GRAP2: variants seen among roughly 807,000 people sequenced by gnomAD.
GRAP2 encodes the protein GRB2 related adaptor protein 2, also known as GRB2-related adapter protein 2.
In GRAP2, 31 loss-of-function variants were observed where a neutral mutation model predicts 43.5. The ratio of observed to expected loss-of-function variants is 0.71; its 90% CI spans 0.54 to 0.96. GRAP2 has a LOEUF of 0.96. GRAP2 is among the 40% of genes least tolerant of loss of function. The probability of loss-of-function intolerance (pLI) is 0.00; values close to 1 mark genes in which losing one functional copy is unlikely to be tolerated. For missense variants in GRAP2, 371 were observed against 424.4 expected (o/e 0.87, Z 1.11); for synonymous variants, 156 against 164.8 (o/e 0.95, Z 0.41).
chr22:39,920,107 C>G (rs998818449), intron 1 of GRAP2, among the ~76,000 whole-genome samples: 1 of 152,184 alleles, frequency 6.6e-6, no homozygotes, highest in Non-Finnish European at 1.5e-5. Context: ...TCCCCTTGCC[C>G]TAAGATAGTA....
rs1324058465 is a variant in GRAP2 at position 39,966,080 on chromosome 22, G to T, written c.381G>T (p.Lys127Asn). The T allele has an allele frequency of 2.5e-6, 4 of 1,613,762 alleles. No homozygotes were observed. The highest frequency in any genetic ancestry group is 3.4e-6 in the Non-Finnish European group (4 of 1,179,626). Residue 127 changes from lysine to asparagine, a missense_variant, in exon 5 of 8, where the codon AAG becomes AAT. By Grantham distance (94) the Lys-to-Asn change is moderately conservative. Transcript: ENST00000344138. ...LWTEKFPSLN[K>N]LVDYYRTNSI... ...CTGAGAAGTTTCCATCCCTAAATAA[G>T]CTGGTAGACTACTACAGGACAAATT...
At chr22:39,970,846 C>G (rs2067233551) in intron 7 of GRAP2, 59 bp from the exon 8 acceptor site, 1 of 1,419,604 alleles carries the variant, frequency 7.0e-7, no homozygotes. Flanking sequence ...GCCAGCAGAC[C>G]CTCCCCTGCC....
the GRAP2 span, among the ~76,000 whole-genome samples, chr22:39,894,572 G>A: frequency 4.6e-5 from 7 of 152,204 alleles, no homozygotes; most frequent in Non-Finnish European, 8.8e-5. Flanking sequence ...ACCAGCACGT[G>A]ATTGCCACCT....
At chr22:39,913,285 AAT>A (rs1279954620) in intron 1 of GRAP2, among the ~76,000 whole-genome samples, 2 of 152,024 alleles carry the variant, frequency 1.3e-5, no homozygotes, top group Non-Finnish European at 2.9e-5. Context: ...GTGTGGGAGA[AAT>A]AGAGAGAGAG....
At chr22:39,936,795 A>G (rs1478130663) in intron 1 of GRAP2, among the ~76,000 whole-genome samples, 2 of 152,184 alleles carry the variant, frequency 1.3e-5, no homozygotes, top group African/African-American at 4.8e-5. Context: ...CATTTCTGCA[A>G]TTGCCTTAAA....
chr22:39,929,385 A>G (rs752946387), intron 1 of GRAP2, among the ~76,000 whole-genome samples: 6 of 152,158 alleles, frequency 3.9e-5, no homozygotes, highest in Admixed American at 6.5e-5. Context: ...GCCTCTTTGT[A>G]TAGATTTTGT....
At chr22:39,895,288 A>G in the GRAP2 span, among the ~76,000 whole-genome samples, 3 of 152,234 alleles carry the variant, frequency 2.0e-5, no homozygotes, top group African/African-American at 7.2e-5. Context: ...ATCTCCTACT[A>G]CTTCAGTCAT....
intron 2 of GRAP2, among the ~76,000 whole-genome samples, chr22:39,951,595 A>G (rs2145645002): frequency 6.6e-6 from 1 of 152,312 alleles, no homozygotes; most frequent in East Asian, 1.9e-4. Context: ...CTTAGGGAAC[A>G]TTATAAGAAT....
In GRAP2 at chr22:39,968,336, C is replaced by T. The variant is rs1367580363; in HGVS notation, c.690+64C>T. 15 of 1,564,488 alleles carry T rather than the reference C, an allele frequency of 9.6e-6. No individual in the cohort carries two copies. In the African/African-American group the frequency reaches 1.2e-4, roughly 13 times the overall value. Reference sequence around the variant, plus strand: ...AGGAGAACCTGCCTCCCCTCCAGGCCTGGCCCAGCCTCTTGAGTTCTCAGA... The same window carrying T: ...AGGAGAACCTGCCTCCCCTCCAGGCTTGGCCCAGCCTCTTGAGTTCTCAGA... On this transcript the variant is annotated intron_variant, in intron 6 of 7. Coordinates refer to ENST00000344138, the MANE Select transcript of GRAP2 (RefSeq NM_004810.4).
chr22:39,933,797 C>T (rs550016642), intron 1 of GRAP2, among the ~76,000 whole-genome samples: 1 of 151,092 alleles, frequency 6.6e-6, no homozygotes, highest in South Asian at 2.1e-4. Context: ...GCCAAGATTG[C>T]GCCACTGCAC....
At chr22:39,948,074 C>T (rs1194312113) in intron 2 of GRAP2, 1 of 134,654 alleles carries the variant, frequency 7.4e-6, no homozygotes, top group Admixed American at 7.4e-5. Flanking sequence ...ACACTGAGGC[C>T]ATTAGTGTCT....
At position 39,958,850 on chromosome 22, in the gene GRAP2, G is replaced by T. The variant is rs551858929; in HGVS notation, c.171-1205G>T. 2.0e-5 allele frequency among the ~76,000 whole-genome samples: 3 copies of T among 152,268 alleles called. No individual in the cohort carries two copies. The East Asian group carries it at 5.8e-4, about 29-fold the overall frequency. ...GTAGAATTGTGTGGCAAATACTCAG[G>T]CAGAATCTCCAGGCCACCAGAAACT... On this transcript the variant is annotated intron_variant, in intron 3 of 7. Transcript: ENST00000344138.
In GRAP2 at chr22:39,914,310, A is replaced by G. The variant is rs74383658; in HGVS notation, c.-15+12980A>G. ...TAGTTGGAGCACTAGTCCTTAGGCT[A>G]AATTCCACCAAAACATTTTGGTTGT... On this transcript the variant is annotated intron_variant, in intron 1 of 7. Coordinates refer to ENST00000344138, the MANE Select transcript of GRAP2 (RefSeq NM_004810.4). 6.4e-3 allele frequency among the ~76,000 whole-genome samples: 971 copies of G among 152,254 alleles called. 26 individuals carry two copies. In the East Asian group the frequency reaches 0.08, roughly 13 times the overall value.
upstream of GRAP2, among the ~76,000 whole-genome samples, chr22:39,899,403 A>G (rs990618033): frequency 6.6e-6 from 1 of 152,168 alleles, no homozygotes; most frequent in African/African-American, 2.4e-5. Flanking sequence ...AACCATTTCA[A>G]AACCATCGAC....
At chr22:39,964,911 TATC>T (rs1324375683) in intron 4 of GRAP2, among the ~76,000 whole-genome samples, 1 of 152,096 alleles carries the variant, frequency 6.6e-6, no homozygotes, top group African/African-American at 2.4e-5. Context: ...AAAAAGAAGT[TATC>T]ATGTTTAGGT....
intron 1 of GRAP2, among the ~76,000 whole-genome samples, chr22:39,916,688 A>G (rs1601694036): frequency 6.6e-6 from 1 of 152,332 alleles, no homozygotes; most frequent in Non-Finnish European, 1.5e-5. Flanking sequence ...TGTGTTTCAC[A>G]CAATGCCAGG....
intron 1 of GRAP2, among the ~76,000 whole-genome samples, chr22:39,918,973 A>G (rs1000869089): frequency 1.3e-5 from 2 of 152,198 alleles, no homozygotes; most frequent in African/African-American, 4.8e-5. Context: ...ACATCAAATC[A>G]TATGAAATTG....
At chr22:39,950,283 C>G (rs1201002392) in intron 2 of GRAP2, among the ~76,000 whole-genome samples, 1 of 152,252 alleles carries the variant, frequency 6.6e-6, no homozygotes, top group African/African-American at 2.4e-5. Flanking sequence ...AAACTTCACT[C>G]ATTTCCAGGC....
intron 2 of GRAP2, among the ~76,000 whole-genome samples, chr22:39,955,348 C>T (rs1176945826): frequency 6.6e-6 from 1 of 151,658 alleles, no homozygotes; most frequent in African/African-American, 2.4e-5. Flanking sequence ...CAGAGCAAGA[C>T]TCTGTCTCAA....
Sources: gnomAD v4.1 joint callset for allele counts (sites outside exome capture counted in the v4.1 genomes callset) on GRCh38, gnomAD v4.1.1 for gene constraint, MANE v1.5 for transcripts, NCBI Gene and HGNC (gene_info 2026-07-23, HGNC 2026-07-21) for gene names.